The following KIF15 variants were observed in gnomAD, a reference collection of about 807,000 sequenced individuals.
KIF15 encodes kinesin family member 15.
KIF15 carries 140 observed loss-of-function variants against 190.6 expected under a neutral mutation model. The observed-to-expected ratio is 0.73, with a 90% CI of 0.64 to 0.84. The LOEUF (loss-of-function observed/expected upper bound fraction) is 0.84, where lower values mean the gene tolerates loss of function less well. Among genes scored for constraint, KIF15 ranks in the 40% least tolerant of loss-of-function variants. The pLI, the probability that KIF15 is intolerant of heterozygous loss-of-function variation, is 0.00. For missense variants in KIF15, 1,372 were observed against 1,584.4 expected (o/e 0.87, Z 2.28); for synonymous variants, 528 against 551.3 (o/e 0.96, Z 0.59).
chr3:44,859,277 A>T (rs1699216380), intron 6 of KIF15, among the ~76,000 whole-genome samples: 1 of 152,226 alleles, frequency 6.6e-6, no homozygotes, highest in African/African-American at 2.4e-5. Context: ...TCAGAAAAAC[A>T]TTGCTACTTG....
chr3:44,795,773 G>T (rs1355555620), intron 8 of KIF15, among the ~76,000 whole-genome samples: 4 of 152,126 alleles, frequency 2.6e-5, no homozygotes, highest in African/African-American at 9.7e-5. Context: ...AGAGGAATTG[G>T]AAAGGATGAG....
intron 7 of KIF15, 89 bp from the exon 8 acceptor site, chr3:44,794,128 G>C: frequency 9.4e-7 from 1 of 1,063,388 alleles, no homozygotes; most frequent in Non-Finnish European, 1.4e-6. Flanking sequence ...TGATCCTCCA[G>C]ACATGGCCTC....
chr3:44,841,402 T>G (rs979058934), intron 29 of KIF15, among the ~76,000 whole-genome samples, 164 bp downstream of exon 29: 4 of 151,460 alleles, frequency 2.6e-5, no homozygotes, highest in African/African-American at 4.9e-5. Context: ...TTTTTTTTTT[T>G]TTGTTTTTTT....
At chr3:44,852,000 A>G in intron 33 of KIF15, 48 bp downstream of exon 33, 1 of 1,566,168 alleles carries the variant, frequency 6.4e-7, no homozygotes, top group Non-Finnish European at 8.7e-7. Flanking sequence ...CACTCAAATG[A>G]ATAGAACTAA....
chr3:44,797,791 G>T (rs760330908), intron 9 of KIF15, 43 bp from the exon 10 acceptor site: 1 of 1,607,904 alleles, frequency 6.2e-7, no homozygotes, highest in South Asian at 1.1e-5. Flanking sequence ...AAAAGGTCTT[G>T]TGATTTCTCA....
intron 4 of KIF15, among the ~76,000 whole-genome samples, chr3:44,778,856 C>T (rs1392968969): frequency 6.6e-6 from 1 of 151,468 alleles, no homozygotes; most frequent in African/African-American, 2.4e-5. Flanking sequence ...GTAGTGGTCG[C>T]CTGTAGTCCC....
At chr3:44,837,842 C>T (rs1698402786) in intron 26 of KIF15, among the ~76,000 whole-genome samples, 1 of 152,164 alleles carries the variant, frequency 6.6e-6, no homozygotes, top group African/African-American at 2.4e-5. Flanking sequence ...CTGGTGCAAA[C>T]TGCCCAGGCC....
chr3:44,828,329 T>C, intron 24 of KIF15, 29 bp downstream of exon 24: 4 of 1,484,260 alleles, frequency 2.7e-6, no homozygotes, highest in Non-Finnish European at 3.8e-6. Context: ...TACATCTCTC[T>C]GTGCATTTTC....
At position 44,797,687 on chromosome 3, in the gene KIF15, T is replaced by A. The variant is rs747139066; in HGVS notation, c.975+11T>A. On this transcript the variant is annotated intron_variant, in intron 9 of 34. Coordinates refer to ENST00000326047, the MANE Select transcript of KIF15 (RefSeq NM_020242.3). The stretch of plus-strand genomic sequence containing the variant: ...ACCTTCTTACTACGGGTAAAGTAGA[T>A]CCTTGGGTTCCTGGGCTCCTTTTGG... 11 of 1,612,728 alleles carry A rather than the reference T, an allele frequency of 6.8e-6. No individual in the cohort carries two copies. Among genetic ancestry groups the A allele is most frequent in the Non-Finnish European group, 9.3e-6 (11 of 1,179,368 alleles).
chr3:44,826,851 T>C (rs1697684552), intron 22 of KIF15: 2 of 273,926 alleles, frequency 7.3e-6, no homozygotes, highest in Non-Finnish European at 7.4e-6. Context: ...GCCATATTTC[T>C]TCCCTCTTTC....
chr3:44,840,244 G>C (rs1458279640), intron 27 of KIF15, 111 bp from the exon 28 acceptor site: 1 of 620,926 alleles, frequency 1.6e-6, no homozygotes, highest in African/African-American at 1.9e-5. Flanking sequence ...TCTCATTGTG[G>C]TTTTCATTTG....
At chr3:44,845,415 A>G (rs1469530416) in intron 30 of KIF15, among the ~76,000 whole-genome samples, 3 of 152,066 alleles carry the variant, frequency 2.0e-5, no homozygotes, top group Non-Finnish European at 4.4e-5. Flanking sequence ...AGTTTTGGAG[A>G]TGGTGGGAAC....
rs776244743 is a variant in KIF15, at chr3:44,813,125, C to T, written c.2328C>T (p.Leu776=). The part of the protein sequence containing the change: ...IDWTKQQEEL[L]SQLNVLEKQL... ...GGACCAAACAGCAGGAAGAGCTTCT[C>T]TCACAGTTGAATGTCCTTGAAAAGC... Residue 776 remains leucine (L), a synonymous_variant, in exon 19 of 35, where the codon CTC becomes CTT. Transcript: ENST00000326047. The T allele has an allele frequency of 6.3e-7, 1 of 1,598,432 alleles. No homozygotes were observed. Among genetic ancestry groups the T allele is most frequent in the East Asian group, 2.3e-5 (1 of 44,226 alleles).
chr3:44,769,489 T>G (rs1424311523), intron 1 of KIF15, among the ~76,000 whole-genome samples: 3 of 152,226 alleles, frequency 2.0e-5, no homozygotes, highest in African/African-American at 7.2e-5. Context: ...CTTACCCACG[T>G]ACGCCCTATC....
At chr3:44,831,944 C>T (rs1010457795) in intron 26 of KIF15, among the ~76,000 whole-genome samples, 3 of 152,078 alleles carry the variant, frequency 2.0e-5, no homozygotes, top group African/African-American at 7.2e-5. Context: ...ACAAATTCAA[C>T]AAATATTGAA....
downstream of KIF15, among the ~76,000 whole-genome samples, chr3:44,854,829 G>C (rs1431995674): frequency 1.3e-5 from 2 of 152,136 alleles, no homozygotes; most frequent in South Asian, 4.1e-4. Context: ...TCTTCCTTGT[G>C]CCTCTATCTC....
chr3:44,807,471 C>T (rs957604999), intron 16 of KIF15, among the ~76,000 whole-genome samples: 26 of 152,064 alleles, frequency 1.7e-4, no homozygotes, highest in Admixed American at 1.5e-3. Context: ...GTGATCCGCC[C>T]GTCTCGCCTC....
intron 29 of KIF15, 139 bp downstream of exon 29, chr3:44,841,377 A>G (rs1698594864): frequency 3.4e-6 from 2 of 581,812 alleles, no homozygotes; most frequent in Non-Finnish European, 6.0e-6. Flanking sequence ...CACCATGCCC[A>G]GCCAGTAAAT....
intron 10 of KIF15, among the ~76,000 whole-genome samples, chr3:44,798,699 C>T (rs1334229639): frequency 6.6e-6 from 1 of 152,116 alleles, no homozygotes; most frequent in Non-Finnish European, 1.5e-5. Context: ...CCACTGTACC[C>T]AGCTGACAAA....
Sources: gnomAD v4.1 joint callset for allele counts (sites outside exome capture counted in the v4.1 genomes callset) on GRCh38, gnomAD v4.1.1 for gene constraint, MANE v1.5 for transcripts, NCBI Gene and HGNC (gene_info 2026-07-23, HGNC 2026-07-21) for gene names.